The following SIRT3 variants were observed in gnomAD, a reference collection of about 807,000 sequenced individuals.
SIRT3 encodes the protein NAD-dependent protein deacetylase sirtuin-3, mitochondrial.
In SIRT3, 26 loss-of-function variants were observed where a neutral mutation model predicts 33.5. The observed-to-expected ratio is 0.78, with a 90% CI of 0.57 to 1.08. The LOEUF is 1.08. Among genes scored for constraint, SIRT3 ranks in the 50% least tolerant of loss-of-function variants. The probability of loss-of-function intolerance (pLI) is 0.00; values close to 1 mark genes in which losing one functional copy is unlikely to be tolerated. For synonymous variants in SIRT3, 237 were observed against 222.1 expected (o/e 1.07, Z -0.60); for missense variants, 585 against 530.1 (o/e 1.10, Z -1.02).
At chr11:224,612 A>G (rs1856902780) in intron 4 of SIRT3, among the ~76,000 whole-genome samples, 2 of 152,218 alleles carry the variant, frequency 1.3e-5, no homozygotes, top group African/African-American at 4.8e-5. Flanking sequence ...AGTAGTCTGC[A>G]GGCATTTGGC....
chr11:235,082 T>G (rs1292459034), intron 1 of SIRT3, among the ~76,000 whole-genome samples: 2 of 151,870 alleles, frequency 1.3e-5, no homozygotes, highest in African/African-American at 4.8e-5. Context: ...TTCACCATGT[T>G]GGCCCAGCTG....
At chr11:226,395 G>A (rs1278749872) in intron 4 of SIRT3, among the ~76,000 whole-genome samples, 1 of 151,984 alleles carries the variant, frequency 6.6e-6, no homozygotes, top group Non-Finnish European at 1.5e-5. Context: ...TGGTTGCAGG[G>A]CTTAGAATTT....
At chr11:235,353 G>A (rs1564816321) in intron 1 of SIRT3, among the ~76,000 whole-genome samples, 2 of 150,992 alleles carry the variant, frequency 1.3e-5, no homozygotes, top group Admixed American at 6.6e-5. Context: ...CAACAGGCTT[G>A]CGCCACCATG....
chr11:221,721 C>G (rs1856468055), intron 5 of SIRT3, among the ~76,000 whole-genome samples: 1 of 152,228 alleles, frequency 6.6e-6, no homozygotes, highest in Non-Finnish European at 1.5e-5. Context: ...GCCTTACAGA[C>G]ATGGGTTTCT....
At chr11:230,156 T>C (rs1195292729) in intron 4 of SIRT3, among the ~76,000 whole-genome samples, 2 of 143,976 alleles carry the variant, frequency 1.4e-5, no homozygotes, top group African/African-American at 5.2e-5. Context: ...GAGGTTGCAG[T>C]GAGCCGAGAT....
rs1024343911 is a variant in SIRT3 at position 236,323 on chromosome 11, C to A, written c.6G>T (p.Ala2=). 4 of 1,496,704 alleles carry A rather than the reference C, an allele frequency of 2.7e-6. No homozygotes were observed. In the Admixed American group the frequency reaches 6.5e-5, roughly 24 times the overall value. The allele number at this position is 1,496,704 out of a possible 1,614,324, so 92.7% of individuals were successfully genotyped here. A position where few individuals can be genotyped will look rare whatever the true frequency, so the allele number is the denominator to read the frequency against. Residue 2 remains alanine (A), a synonymous_variant, in exon 1 of 7, where the codon GCG becomes GCT. Transcript: ENST00000382743. Reference sequence around the variant, plus strand: ...CTGCCGCGGCGCGCCAACCCCAGAACGCCATGTTCCGCGCAGTCCAAGGAG... The same window carrying A: ...CTGCCGCGGCGCGCCAACCCCAGAAAGCCATGTTCCGCGCAGTCCAAGGAG... The part of the protein sequence containing the change: M[A]FWGWRAAAAL...
chr11:236,138 G>A lies in SIRT3; in HGVS notation c.191C>T (p.Ala64Val). The A allele has an allele frequency of 6.4e-7, 1 of 1,574,158 alleles. No homozygotes were observed. Among genetic ancestry groups the A allele is most frequent in the Non-Finnish European group, 8.6e-7 (1 of 1,161,122 alleles). Residue 64 changes from alanine (A) to valine (V), a missense_variant, in exon 1 of 7, where the codon GCG (alanine) becomes GTG (valine). Transcript: ENST00000382743. The stretch of plus-strand genomic sequence containing the variant: ...TCTGGGAGGCCTCTGCAAGGGGCGC[G>A]CCGGGTCCAAGGGCTCACCGCGGGC... ...HGARGEPLDPARPLQRPPRPE... is the reference protein window; with the variant it reads ...HGARGEPLDPVRPLQRPPRPE...
intron 3 of SIRT3, among the ~76,000 whole-genome samples, chr11:232,781 A>G (rs1377207503): frequency 1.3e-5 from 2 of 152,270 alleles, no homozygotes; most frequent in East Asian, 1.9e-4. Flanking sequence ...CCCAGAGGAC[A>G]TTTTCCTTGG....
At chr11:225,209 C>A (rs950256217) in intron 4 of SIRT3, among the ~76,000 whole-genome samples, 1 of 151,968 alleles carries the variant, frequency 6.6e-6, no homozygotes, top group African/African-American at 2.4e-5. Flanking sequence ...GTCAGGAGAT[C>A]GAGACTGTCT....
upstream of SIRT3, chr11:236,511 C>G (rs1200373175): frequency 4.9e-6 from 1 of 205,870 alleles, no homozygotes; most frequent in Admixed American, 6.5e-5. Flanking sequence ...CCGGCGCGCC[C>G]AGGTAGACGT....
intron 5 of SIRT3, 143 bp from the exon 6 acceptor site, chr11:219,184 T>A: frequency 9.3e-7 from 1 of 1,069,572 alleles, no homozygotes. Context: ...ACCACCAATC[T>A]CATTTCTTCA....
rs1164182613 is a variant in SIRT3, at chr11:236,144, T to C, written c.185A>G (p.Asp62Gly). Residue 62 changes from aspartate to glycine, a missense_variant, in exon 1 of 7, where the codon GAC (aspartate) becomes GGC (glycine). Coordinates refer to ENST00000382743, the MANE Select transcript of SIRT3 (RefSeq NM_012239.6). Reference sequence around the variant, plus strand: ...AGGCCTCTGCAAGGGGCGCGCCGGGTCCAAGGGCTCACCGCGGGCCCCATG... The same window carrying C: ...AGGCCTCTGCAAGGGGCGCGCCGGGCCCAAGGGCTCACCGCGGGCCCCATG... ...GSHGARGEPL[D>G]PARPLQRPPR... is the part of the protein sequence containing the mutation. 7 of 1,572,410 alleles carry C rather than the reference T, an allele frequency of 4.5e-6. No individual in the cohort carries two copies. The highest frequency in any genetic ancestry group is 2.4e-5 in the East Asian group (1 of 42,006).
intron 4 of SIRT3, among the ~76,000 whole-genome samples, chr11:226,354 T>C (rs1477607822): frequency 1.3e-5 from 2 of 152,174 alleles, no homozygotes; most frequent in African/African-American, 4.8e-5. Flanking sequence ...TCTCTGGGGT[T>C]CCCTTGACCA....
chr11:224,256 A>C lies in SIRT3; in HGVS notation c.808-17T>G, dbSNP rs1156339941. On this transcript the variant is annotated splice_polypyrimidine_tract_variant and intron_variant, in intron 4 of 6. Coordinates refer to ENST00000382743, the MANE Select transcript of SIRT3 (RefSeq NM_012239.6). ...CACGTCAGCCTGGAAAACAGAGAAA[A>C]CAGGCCTGAGGAAGATGCCTGCAAC... 3 of 1,612,836 alleles carry C rather than the reference A, an allele frequency of 1.9e-6. No homozygotes were observed. In the African/African-American group the frequency reaches 4.0e-5, roughly 22 times the overall value.
intron 4 of SIRT3, among the ~76,000 whole-genome samples, chr11:229,683 C>T (rs1857646467): frequency 6.6e-6 from 1 of 151,960 alleles, no homozygotes; most frequent in African/African-American, 2.4e-5. Context: ...CGCTTGAACC[C>T]GGGAGGCAGA....
chr11:221,459 C>T (rs1856432183), intron 5 of SIRT3, among the ~76,000 whole-genome samples: 1 of 152,124 alleles, frequency 6.6e-6, no homozygotes, highest in Non-Finnish European at 1.5e-5. Flanking sequence ...TATCATTGTC[C>T]ATCAGTAAGA....
intron 1 of SIRT3, chr11:233,866 G>T: frequency 4.6e-6 from 1 of 217,478 alleles, no homozygotes; most frequent in Non-Finnish European, 9.1e-6. Context: ...TGGTTAAGGA[G>T]TCAAGAAGCA....
upstream of SIRT3, chr11:236,875 G>C: frequency 1.6e-6 from 1 of 623,814 alleles, no homozygotes; most frequent in East Asian, 2.8e-5. Context: ...GTTTTGTCCG[G>C]AGCGCAGAGA....
In SIRT3 at chr11:228,910, C is replaced by T. The variant is rs58643462; in HGVS notation, c.807+1542G>A. On this transcript the variant is annotated intron_variant, in intron 4 of 6. Transcript: ENST00000382743. ...AAAAAGACAACACAATTAAACAATG[C>T]GCAAAGGACTTCAATCTCCAAAGAT... 2.3e-4 allele frequency among the ~76,000 whole-genome samples: 35 copies of T among 152,240 alleles called. 2 individuals are homozygous for T. Among genetic ancestry groups the T allele is most frequent in the African/African-American group, 7.9e-4 (33 of 41,516 alleles).
Sources: allele counts gnomAD v4.1 joint callset (sites outside exome capture counted in the v4.1 genomes callset), GRCh38; gene constraint gnomAD v4.1.1; transcripts MANE v1.5; gene names NCBI Gene and HGNC (gene_info 2026-07-23, HGNC 2026-07-21).